Variants in ST6GALNAC3 observed in about 807,000 individuals in gnomAD.
ST6GALNAC3 encodes the protein ST6 N-acetylgalactosaminide alpha-2,6-sialyltransferase 3, also known as alpha-N-acetylgalactosaminide alpha-2,6-sialyltransferase 3.
Under a neutral mutation model 32.7 loss-of-function variants are expected in ST6GALNAC3, and 25 were observed. The ratio of observed to expected loss-of-function variants is 0.76; its 90% CI spans 0.56 to 1.07. ST6GALNAC3 has a LOEUF of 1.07. Ranked by LOEUF, ST6GALNAC3 falls within the 50% of genes least tolerant of loss-of-function variation. The pLI, the probability that ST6GALNAC3 is intolerant of heterozygous loss-of-function variation, is 0.00. For synonymous variants in ST6GALNAC3, 129 were observed against 133.1 expected, an observed-to-expected ratio of 0.97 and a Z score of 0.21; for missense variants, 355 against 382.4, an observed-to-expected ratio of 0.93 and a Z score of 0.60.
At chr1:76,546,555 C>T (rs1664309452) in intron 3 of ST6GALNAC3, among the ~76,000 whole-genome samples, 1 of 152,084 alleles carries the variant, frequency 6.6e-6, no homozygotes, top group Non-Finnish European at 1.5e-5. Context: ...ACCTTTGAGA[C>T]ATGAGGTATG....
chr1:76,241,096 G>A (rs916634023), intron 1 of ST6GALNAC3, among the ~76,000 whole-genome samples: 4 of 152,104 alleles, frequency 2.6e-5, no homozygotes, highest in African/African-American at 9.7e-5. Context: ...TGGAATTATT[G>A]TGCAAAATTA....
At chr1:76,575,701 G>A (rs955160818) in intron 3 of ST6GALNAC3, among the ~76,000 whole-genome samples, 2 of 152,068 alleles carry the variant, frequency 1.3e-5, no homozygotes, top group Non-Finnish European at 2.9e-5. Flanking sequence ...GTGAAATGGT[G>A]TATTTACCAA....
intron 2 of ST6GALNAC3, among the ~76,000 whole-genome samples, chr1:76,376,094 C>A (rs1006464207): frequency 7.6e-6 from 1 of 132,198 alleles, no homozygotes; most frequent in African/African-American, 2.6e-5. Context: ...TCCTCCTTCT[C>A]CCCTAAACCT....
At chr1:76,150,047 G>T (rs1161536288) in intron 1 of ST6GALNAC3, among the ~76,000 whole-genome samples, 1 of 152,192 alleles carries the variant, frequency 6.6e-6, no homozygotes, top group East Asian at 1.9e-4. Context: ...TCTGCATACT[G>T]CAGTGTGACT....
chr1:76,090,110 T>C (rs1647024429), intron 1 of ST6GALNAC3, among the ~76,000 whole-genome samples: 1 of 152,200 alleles, frequency 6.6e-6, no homozygotes, highest in South Asian at 2.1e-4. Context: ...AAAATTCAGA[T>C]CTGTCTGACC....
In ST6GALNAC3 at chr1:76,475,893, AC is replaced by A. The variant is rs558270529; in HGVS notation, c.623+63477del. On this transcript the variant is annotated intron_variant, in intron 3 of 4. Coordinates refer to ENST00000328299, the MANE Select transcript of ST6GALNAC3 (RefSeq NM_152996.4). ...GGCCCCGCTGTGTGATGTTCCCCTCACTGTGTCCTTCTGTTCTCATTGTTCA... is the reference window on the plus strand; with the variant it reads ...GGCCCCGCTGTGTGATGTTCCCCTCATGTGTCCTTCTGTTCTCATTGTTCA... Among the ~76,000 whole-genome samples the A allele has an allele frequency of 3.1e-3, 474 of 151,956 alleles. 3 individuals carry two copies. Among genetic ancestry groups the A allele is most frequent in the African/African-American group, 0.011 (456 of 41,446 alleles).
intron 2 of ST6GALNAC3, among the ~76,000 whole-genome samples, chr1:76,370,485 C>T (rs1260675224): frequency 3.9e-5 from 6 of 152,108 alleles, no homozygotes; most frequent in Admixed American, 3.9e-4. Flanking sequence ...CGGACTAAAA[C>T]ATGCTCTTTC....
chr1:76,542,880 G>C (rs1299577068), intron 3 of ST6GALNAC3, among the ~76,000 whole-genome samples: 1 of 152,176 alleles, frequency 6.6e-6, no homozygotes, highest in Non-Finnish European at 1.5e-5. Flanking sequence ...AGAATGAGAG[G>C]AATTGCTACC....
At chr1:76,322,267 C>G (rs542077720) in intron 2 of ST6GALNAC3, among the ~76,000 whole-genome samples, 2 of 152,156 alleles carry the variant, frequency 1.3e-5, no homozygotes, top group African/African-American at 4.8e-5. Context: ...GTGACTAGTG[C>G]GAAAAGCTTT....
At chr1:76,169,951 T>C (rs1652370352) in intron 1 of ST6GALNAC3, among the ~76,000 whole-genome samples, 1 of 152,240 alleles carries the variant, frequency 6.6e-6, no homozygotes, top group South Asian at 2.1e-4. Flanking sequence ...GTTCTTGCAC[T>C]GACTTCTTCT....
At chr1:76,210,670 T>G (rs1655103883) in intron 1 of ST6GALNAC3, among the ~76,000 whole-genome samples, 1 of 152,214 alleles carries the variant, frequency 6.6e-6, no homozygotes, top group Non-Finnish European at 1.5e-5. Flanking sequence ...TCTCCTTGGC[T>G]TGCAGACAAC....
chr1:76,413,880 C>T lies in ST6GALNAC3; in HGVS notation c.623+1463C>T, dbSNP rs1018729477. 2.6e-5 allele frequency among the ~76,000 whole-genome samples: 4 copies of T among 152,064 alleles called. No homozygotes were observed. The South Asian group carries it at 8.3e-4, about 32-fold the overall frequency. ...GGGCTTTGGAAATTTCTGATCTCTC[C>T]TTAGCCCAGAGCAATGCAATTAATG... On this transcript the variant is annotated intron_variant, in intron 3 of 4. Transcript: ENST00000328299.
At chr1:76,563,993 A>T (rs1665402428) in intron 3 of ST6GALNAC3, among the ~76,000 whole-genome samples, 1 of 152,218 alleles carries the variant, frequency 6.6e-6, no homozygotes, top group South Asian at 2.1e-4. Context: ...GATGCCAAGA[A>T]GTAGACAAGA....
chr1:76,478,860 T>G (rs1339246276), intron 3 of ST6GALNAC3, among the ~76,000 whole-genome samples: 5 of 150,684 alleles, frequency 3.3e-5, no homozygotes, highest in African/African-American at 1.2e-4. Flanking sequence ...CCTCCTGGGT[T>G]CATGCCATTC....
intron 1 of ST6GALNAC3, among the ~76,000 whole-genome samples, chr1:76,234,461 G>A (rs1240265205): frequency 6.6e-6 from 1 of 152,186 alleles, no homozygotes; most frequent in Non-Finnish European, 1.5e-5. Flanking sequence ...ACATGCCAGT[G>A]GGAAGCAATT....
At chr1:76,380,730 TAC>T (rs1651637897) in intron 2 of ST6GALNAC3, among the ~76,000 whole-genome samples, 1 of 152,142 alleles carries the variant, frequency 6.6e-6, no homozygotes, top group African/African-American at 2.4e-5. Context: ...TTTGGAGTGT[TAC>T]ATGTATTTAG....
chr1:76,145,668 G>T (rs1157164204), intron 1 of ST6GALNAC3, among the ~76,000 whole-genome samples: 1 of 152,240 alleles, frequency 6.6e-6, no homozygotes, highest in African/African-American at 2.4e-5. Context: ...CGTTAATGCT[G>T]TTGTAATGAC....
intron 3 of ST6GALNAC3, among the ~76,000 whole-genome samples, chr1:76,486,736 A>T (rs993663477): frequency 1.3e-5 from 2 of 152,056 alleles, no homozygotes; most frequent in African/African-American, 2.4e-5. Context: ...TTTAAGGTTA[A>T]TATTGTTATG....
intron 1 of ST6GALNAC3, among the ~76,000 whole-genome samples, chr1:76,188,134 T>A (rs1474643020): frequency 2.0e-5 from 3 of 151,952 alleles, no homozygotes; most frequent in Non-Finnish European, 4.4e-5. Flanking sequence ...GAGGCCGAGG[T>A]GGGTGGATCA....
Sources: allele counts gnomAD v4.1 joint callset (sites outside exome capture counted in the v4.1 genomes callset), GRCh38; gene constraint gnomAD v4.1.1; transcripts MANE v1.5; gene names NCBI Gene and HGNC (gene_info 2026-07-23, HGNC 2026-07-21).